The following FAM120C variants were observed in gnomAD, a reference collection of about 807,000 sequenced individuals.
FAM120C encodes constitutive coactivator of PPAR-gamma-like protein 2.
In FAM120C, 14 loss-of-function variants were observed where a neutral mutation model predicts 71.2. That is an observed-to-expected ratio of 0.20 (90% confidence interval 0.13 to 0.31). The LOEUF (loss-of-function observed/expected upper bound fraction) is 0.31, where lower values mean the gene tolerates loss of function less well. Ranked by LOEUF, FAM120C falls within the 10% of genes least tolerant of loss-of-function variation. The pLI, the probability that FAM120C is intolerant of heterozygous loss-of-function variation, is 1.00. For synonymous variants in FAM120C, 354 were observed against 353.2 expected (o/e 1.00, Z -0.03); for missense variants, 500 against 879.0 (o/e 0.57, Z 5.45).
intron 1 of FAM120C, among the ~76,000 whole-genome samples, chrX:54,163,636 C>G (rs781970536): frequency 5.4e-4 from 60 of 111,410 alleles, no homozygotes; most frequent in Non-Finnish European, 8.5e-4. Flanking sequence ...AAATTGTATA[C>G]TTTAAAATGT....
At chrX:54,132,551 T>G (rs1338398377) in intron 9 of FAM120C, 141 bp downstream of exon 9, 1 of 441,864 alleles carries the variant, frequency 2.3e-6, no homozygotes, top group Non-Finnish European at 3.8e-6. Flanking sequence ...AGTTAATGTA[T>G]TCCCAGTATC....
intron 10 of FAM120C, among the ~76,000 whole-genome samples, chrX:54,108,439 T>C (rs782490400): frequency 2.7e-5 from 3 of 110,582 alleles, no homozygotes; most frequent in Non-Finnish European, 3.8e-5. Flanking sequence ...ACAAATTATA[T>C]ATGGAAGAGT....
chrX:54,157,743 C>G lies in FAM120C; in HGVS notation c.975G>C (p.Leu325=). 2 of 1,207,407 alleles carry G rather than the reference C, an allele frequency of 1.7e-6. No individual in the cohort carries two copies. Among genetic ancestry groups the G allele is most frequent in the Non-Finnish European group, 2.2e-6 (2 of 892,100 alleles). ...LGNHILPDED[L]AAFHWSLLGP... ...CCAAGAGGCTCCAGTGAAAAGCAGC[C>G]AGGTCCTCATCTGGGAGGATGTGGT... Residue 325 remains leucine (L), a synonymous_variant, in exon 3 of 16, where the codon CTG becomes CTC. Transcript: ENST00000375180.
chrX:54,134,736 G>A, intron 7 of FAM120C, 95 bp downstream of exon 7: 4 of 932,708 alleles, frequency 4.3e-6, no homozygotes, highest in Non-Finnish European at 5.8e-6. Flanking sequence ...GGAAACCCAG[G>A]AATACACTTT....
intron 1 of FAM120C, among the ~76,000 whole-genome samples, chrX:54,160,955 T>G (rs1166093778): frequency 1.8e-5 from 2 of 111,624 alleles, no homozygotes; most frequent in East Asian, 5.6e-4. Flanking sequence ...TGCATTAAAC[T>G]TTTGCTAGAT....
At chrX:54,156,665 T>A in intron 3 of FAM120C, among the ~76,000 whole-genome samples, 1 of 109,087 alleles carries the variant, frequency 9.2e-6, no homozygotes, top group Admixed American at 1.0e-4. Flanking sequence ...GGTGGGAAGA[T>A]CACTTGAGAT....
At chrX:54,088,533 A>AG (rs1435924857) in intron 11 of FAM120C, among the ~76,000 whole-genome samples, 1 of 86,340 alleles carries the variant, frequency 1.2e-5, no homozygotes, top group African/African-American at 4.4e-5. Flanking sequence ...TGAAGGTTGC[A>AG]GTGAGCCGAG....
chrX:54,103,997 T>C (rs1296184101), intron 10 of FAM120C, among the ~76,000 whole-genome samples: 3 of 112,084 alleles, frequency 2.7e-5, no homozygotes, highest in Non-Finnish European at 5.6e-5. Flanking sequence ...CTTAAACGAT[T>C]TGCTTCTCAA....
intron 4 of FAM120C, among the ~76,000 whole-genome samples, chrX:54,144,125 A>G (rs2067142017): frequency 8.9e-6 from 1 of 112,008 alleles, no homozygotes; most frequent in East Asian, 2.8e-4. Flanking sequence ...CCTTCATGCT[A>G]AAAACTCTCA....
chrX:54,180,795 G>A (rs916167709), intron 1 of FAM120C, among the ~76,000 whole-genome samples: 4 of 111,214 alleles, frequency 3.6e-5, no homozygotes, highest in Non-Finnish European at 5.7e-5. Context: ...AGGTTATTGC[G>A]AGGATGATGA....
rs2066732840 is a variant in FAM120C at position 54,075,887 on chromosome X, G to A, written c.3037-2600C>T. Among the ~76,000 whole-genome samples the A allele has an allele frequency of 3.6e-5, 4 of 111,061 alleles. No homozygotes were observed. The South Asian group carries it at 1.5e-3, about 42-fold the overall frequency. ...CCCAGCACTTCGGGAGGCCGAGGCG[G>A]GCGGATCATGAGGTCAGGAGTTCGA... On this transcript the variant is annotated intron_variant, in intron 15 of 15. Coordinates refer to ENST00000375180, the MANE Select transcript of FAM120C (RefSeq NM_017848.6).
chrX:54,139,804 T>C (rs1254432633), intron 4 of FAM120C, among the ~76,000 whole-genome samples: 3 of 110,821 alleles, frequency 2.7e-5, no homozygotes, highest in Admixed American at 9.7e-5. Context: ...GTAGCTGGAC[T>C]ACAGGTGTGT....
rs1411971052 is a variant in FAM120C at position 54,072,435 on chromosome X, C to A, written c.*598G>T. ...AAATAAAAAATAAAAATTAAAATAA[C>A]CAATACTACCTTACTTTTCTGAAAA... On this transcript the variant is annotated 3_prime_UTR_variant, in exon 16 of 16. Coordinates refer to ENST00000375180, the MANE Select transcript of FAM120C (RefSeq NM_017848.6). The A allele has an allele frequency of 9.1e-6, 1 of 110,059 alleles. No individual in the cohort carries two copies. Among genetic ancestry groups the A allele is most frequent in the Non-Finnish European group, 1.9e-5 (1 of 52,758 alleles). 9.1% of individuals were successfully genotyped at this position (110,059 alleles called of 1,213,427 possible).
intron 10 of FAM120C, among the ~76,000 whole-genome samples, chrX:54,105,061 G>A (rs138539272): frequency 0.052 from 5,759 of 111,071 alleles, 168 homozygotes; most frequent in Middle Eastern, 0.083. Flanking sequence ...CATTTTATGA[G>A]GCCAGCATCT....
At position 54,112,047 on chromosome X, in the gene FAM120C, A is replaced by G. The variant is rs1360948123; in HGVS notation, c.2312+4498T>C. ...CATACTGGGGAAAGAATACCTTTTTAATGGTATTGGGATAGCTGGTTAGCT... is the reference window on the plus strand; with the variant it reads ...CATACTGGGGAAAGAATACCTTTTTGATGGTATTGGGATAGCTGGTTAGCT... On this transcript the variant is annotated intron_variant, in intron 10 of 15. Transcript: ENST00000375180. Among the ~76,000 whole-genome samples, 7 of 112,124 alleles carry G rather than the reference A, an allele frequency of 6.2e-5. No homozygotes were observed. The Admixed American group carries it at 6.7e-4, about 11-fold the overall frequency.
intron 1 of FAM120C, among the ~76,000 whole-genome samples, chrX:54,181,413 T>G (rs1433738262): frequency 9.0e-6 from 1 of 111,446 alleles, no homozygotes; most frequent in African/African-American, 3.3e-5. Context: ...TGCTATTCTC[T>G]ACACGTAGGA....
At chrX:54,088,498 G>A (rs1401393167) in intron 11 of FAM120C, among the ~76,000 whole-genome samples, 3 of 105,263 alleles carry the variant, frequency 2.9e-5, no homozygotes, top group Non-Finnish European at 5.8e-5. Flanking sequence ...AGGCTGAGGT[G>A]GGAGCATCAT....
chrX:54,088,375 T>G (rs1379078557), intron 11 of FAM120C, among the ~76,000 whole-genome samples: 1 of 110,453 alleles, frequency 9.1e-6, no homozygotes, highest in East Asian at 2.9e-4. Flanking sequence ...GCAGATCACC[T>G]GAGGTCAGGA....
intron 2 of FAM120C, among the ~76,000 whole-genome samples, chrX:54,158,679 G>A (rs1230759455): frequency 1.8e-5 from 2 of 111,458 alleles, no homozygotes; most frequent in African/African-American, 6.5e-5. Flanking sequence ...TGAGGCAGGA[G>A]AATCACTTGA....
Sources: gnomAD v4.1 joint callset for allele counts (sites outside exome capture counted in the v4.1 genomes callset) on GRCh38, gnomAD v4.1.1 for gene constraint, MANE v1.5 for transcripts, NCBI Gene and HGNC (gene_info 2026-07-23, HGNC 2026-07-21) for gene names.